Variants in ARHGAP15 observed in about 807,000 individuals in gnomAD.
The protein encoded by ARHGAP15 is rho GTPase-activating protein 15.
A neutral mutation model predicts 63.7 loss-of-function variants in ARHGAP15; 51 were observed. That is an observed-to-expected ratio of 0.80 (90% confidence interval 0.64 to 1.01). The LOEUF (loss-of-function observed/expected upper bound fraction) is 1.01. Ranked by LOEUF, ARHGAP15 falls within the 50% of genes least tolerant of loss-of-function variation. The probability of loss-of-function intolerance (pLI) is 0.00; values close to 1 mark genes in which losing one functional copy is unlikely to be tolerated. For missense variants in ARHGAP15, 560 were observed against 564.6 expected (o/e 0.99, Z 0.08); for synonymous variants, 191 against 193.8 (o/e 0.99, Z 0.12).
At chr2:143,545,195 G>GCT in intron 10 of ARHGAP15, among the ~76,000 whole-genome samples, 1 of 152,232 alleles carries the variant, frequency 6.6e-6, no homozygotes, top group South Asian at 2.1e-4. Context: ...CCAGGGAAGA[G>GCT]CTCTCTCTCA....
intron 6 of ARHGAP15, among the ~76,000 whole-genome samples, chr2:143,272,156 T>C (rs948191708): frequency 2.6e-5 from 4 of 152,168 alleles, no homozygotes; most frequent in African/African-American, 9.7e-5. Flanking sequence ...TAAAAAGGAA[T>C]GTGAATGGTC....
chr2:143,295,201 A>C (rs1284846776), intron 6 of ARHGAP15, among the ~76,000 whole-genome samples: 5 of 152,158 alleles, frequency 3.3e-5, no homozygotes, highest in African/African-American at 1.2e-4. Flanking sequence ...TTTGAAAACA[A>C]AGGGGAAAAT....
chr2:143,448,015 G>GA (rs1690227639), intron 8 of ARHGAP15, among the ~76,000 whole-genome samples: 1 of 152,156 alleles, frequency 6.6e-6, no homozygotes, highest in Non-Finnish European at 1.5e-5. Context: ...CCAGGGAAGA[G>GA]AACATACCTA....
At chr2:143,470,866 GTGTGTGTATATATATACACGTATATTTA>G (rs1294869564) in intron 8 of ARHGAP15, among the ~76,000 whole-genome samples, 2 of 148,752 alleles carry the variant, frequency 1.3e-5, no homozygotes, top group African/African-American at 2.5e-5. Context: ...ATATTTATGT[GTGTGTGTATATATATACACGTATATTTA>G]TGTGTGTATA....
intron 6 of ARHGAP15, among the ~76,000 whole-genome samples, chr2:143,403,740 G>T (rs1387218031): frequency 2.0e-5 from 3 of 151,814 alleles, no homozygotes; most frequent in Non-Finnish European, 1.5e-5. Context: ...TTCTGTGTGT[G>T]TGTAATTTTA....
intron 13 of ARHGAP15, among the ~76,000 whole-genome samples, chr2:143,763,716 GTATA>G (rs1686850242): frequency 2.1e-5 from 3 of 142,670 alleles, no homozygotes; most frequent in Non-Finnish European, 4.5e-5. Context: ...ATATGTGTAT[GTATA>G]TGTATGTATA....
At chr2:143,460,147 A>G (rs1041053801) in intron 8 of ARHGAP15, among the ~76,000 whole-genome samples, 3 of 152,156 alleles carry the variant, frequency 2.0e-5, no homozygotes, top group African/African-American at 7.2e-5. Flanking sequence ...AATTTTCCAT[A>G]ATAAATGTTT....
At chr2:143,252,073 A>G (rs926008188) in intron 6 of ARHGAP15, among the ~76,000 whole-genome samples, 1 of 152,010 alleles carries the variant, frequency 6.6e-6, no homozygotes, top group Non-Finnish European at 1.5e-5. Context: ...AAAATTGTAA[A>G]AGATGTTGAA....
At chr2:143,723,704 C>T (rs542335545) in intron 13 of ARHGAP15, among the ~76,000 whole-genome samples, 20 of 152,262 alleles carry the variant, frequency 1.3e-4, no homozygotes, top group East Asian at 9.6e-4. Context: ...CATCCTTGCC[C>T]TCATGCAGGT....
At chr2:143,559,197 C>A (rs540158750) in intron 11 of ARHGAP15, among the ~76,000 whole-genome samples, 2 of 152,052 alleles carry the variant, frequency 1.3e-5, no homozygotes, top group Non-Finnish European at 1.5e-5. Context: ...AGAAGCCATG[C>A]TAGAAACAAA....
chr2:143,365,785 CT>C, intron 6 of ARHGAP15, among the ~76,000 whole-genome samples: 1 of 152,290 alleles, frequency 6.6e-6, no homozygotes, highest in East Asian at 1.9e-4. Flanking sequence ...AAAGAACCAA[CT>C]CTGTGAAGTT....
chr2:143,322,721 G>C (rs948064539), intron 6 of ARHGAP15, among the ~76,000 whole-genome samples: 1 of 152,182 alleles, frequency 6.6e-6, no homozygotes, highest in African/African-American at 2.4e-5. Flanking sequence ...TGCTGTTACT[G>C]AATTGTTTGT....
At chr2:143,576,041 CA>C (rs1337324206) in intron 11 of ARHGAP15, among the ~76,000 whole-genome samples, 5 of 152,120 alleles carry the variant, frequency 3.3e-5, no homozygotes, top group Admixed American at 3.3e-4. Flanking sequence ...AGGTGGAACA[CA>C]AACTCACTTA....
chr2:143,642,395 T>C (rs570736149), intron 12 of ARHGAP15, among the ~76,000 whole-genome samples: 23 of 152,030 alleles, frequency 1.5e-4, no homozygotes, highest in Non-Finnish European at 2.9e-4. Flanking sequence ...CCCACCCAGG[T>C]AGATGTTGAT....
At chr2:143,726,585 G>A (rs530474571) in intron 13 of ARHGAP15, among the ~76,000 whole-genome samples, 2 of 152,324 alleles carry the variant, frequency 1.3e-5, no homozygotes, top group African/African-American at 2.4e-5. Flanking sequence ...TTTACATGGA[G>A]ACGTTTGATC....
At chr2:143,188,593 C>G (rs1460636583) in intron 2 of ARHGAP15, among the ~76,000 whole-genome samples, 1 of 148,218 alleles carries the variant, frequency 6.7e-6, no homozygotes, top group Non-Finnish European at 1.5e-5. Flanking sequence ...TTCCTGTGTT[C>G]CTGTGCCTTA....
In ARHGAP15 at chr2:143,752,512, C is replaced by T. The variant is rs117093857; in HGVS notation, c.1245-15477C>T. On this transcript the variant is annotated intron_variant, in intron 13 of 13. Coordinates refer to ENST00000295095, the MANE Select transcript of ARHGAP15 (RefSeq NM_018460.4). ...CCGCCTGCATTCCACCTGCCACCAT[C>T]GATGGACTCCTCATTGCCAGTCAGG... 2.3e-3 allele frequency among the ~76,000 whole-genome samples: 345 copies of T among 152,286 alleles called. 3 individuals carry two copies. The highest frequency in any genetic ancestry group is 0.015 in the East Asian group (80 of 5,176).
intron 6 of ARHGAP15, among the ~76,000 whole-genome samples, chr2:143,366,565 A>T (rs1686300597): frequency 2.6e-5 from 4 of 152,094 alleles, no homozygotes; most frequent in Admixed American, 2.6e-4. Flanking sequence ...ACAAAATACT[A>T]AAAATTGTGC....
intron 8 of ARHGAP15, among the ~76,000 whole-genome samples, chr2:143,460,201 T>C (rs754080440): frequency 6.6e-6 from 1 of 152,156 alleles, no homozygotes; most frequent in Non-Finnish European, 1.5e-5. Flanking sequence ...ACAATTGTGA[T>C]GGATGATGAG....
Sources: gnomAD v4.1 joint callset for allele counts (sites outside exome capture counted in the v4.1 genomes callset) on GRCh38, gnomAD v4.1.1 for gene constraint, MANE v1.5 for transcripts, NCBI Gene and HGNC (gene_info 2026-07-23, HGNC 2026-07-21) for gene names.